Variants in GALNT18 observed in about 807,000 individuals in gnomAD.
GALNT18 encodes the protein GalNAc-transferase 18.
A neutral mutation model predicts 69.5 loss-of-function variants in GALNT18; 44 were observed. The observed-to-expected ratio is 0.63, with a 90% CI of 0.50 to 0.81. The LOEUF (loss-of-function observed/expected upper bound fraction) is 0.81. Among genes scored for constraint, GALNT18 ranks in the 40% least tolerant of loss-of-function variants. GALNT18 has a pLI of 0.00. For synonymous variants in GALNT18, 364 were observed against 318.2 expected (o/e 1.14, Z -1.53); for missense variants, 715 against 810.0 (o/e 0.88, Z 1.42).
At chr11:11,304,657 C>A (rs1849550042) in intron 9 of GALNT18, among the ~76,000 whole-genome samples, 1 of 152,206 alleles carries the variant, frequency 6.6e-6, no homozygotes, top group South Asian at 2.1e-4. Flanking sequence ...ATAGTCTCTG[C>A]CCTCTCCTAT....
At chr11:11,491,656 T>C (rs1856772152) in intron 1 of GALNT18, among the ~76,000 whole-genome samples, 1 of 152,264 alleles carries the variant, frequency 6.6e-6, no homozygotes. Context: ...GGCATTTTTC[T>C]GATGCATATT....
chr11:11,448,315 T>C (rs961483940), intron 2 of GALNT18, among the ~76,000 whole-genome samples: 9 of 152,204 alleles, frequency 5.9e-5, no homozygotes, highest in African/African-American at 1.9e-4. Context: ...AACATCCTTC[T>C]GTAACAAAGA....
At chr11:11,395,787 G>A (rs1437833134) in intron 3 of GALNT18, among the ~76,000 whole-genome samples, 1 of 152,210 alleles carries the variant, frequency 6.6e-6, no homozygotes, top group Non-Finnish European at 1.5e-5. Context: ...ACCTCACTCT[G>A]GATGAAGGAA....
At chr11:11,481,589 T>C (rs1336515887) in intron 1 of GALNT18, among the ~76,000 whole-genome samples, 3 of 152,110 alleles carry the variant, frequency 2.0e-5, no homozygotes, top group Non-Finnish European at 2.9e-5. Context: ...GCTCATGCTG[T>C]GTGGAGGGCA....
At chr11:11,319,230 A>G (rs560341985) in intron 9 of GALNT18, among the ~76,000 whole-genome samples, 1 of 152,260 alleles carries the variant, frequency 6.6e-6, no homozygotes, top group Non-Finnish European at 1.5e-5. Context: ...TTACACCTTC[A>G]CCATTCTTGG....
chr11:11,512,445 T>A (rs55776195), intron 1 of GALNT18, among the ~76,000 whole-genome samples: 16,229 of 152,282 alleles, frequency 0.11, 1,166 homozygotes, highest in South Asian at 0.23. Flanking sequence ...GAGGAAAGCA[T>A]CCAATCCTGT....
At chr11:11,290,685 T>G (rs1445383329) in intron 10 of GALNT18, among the ~76,000 whole-genome samples, 1 of 152,132 alleles carries the variant, frequency 6.6e-6, no homozygotes, top group African/African-American at 2.4e-5. Context: ...AAGTACATTG[T>G]CTCCTGAGAA....
intron 1 of GALNT18, among the ~76,000 whole-genome samples, chr11:11,517,986 G>A (rs771383739): frequency 7.9e-5 from 12 of 152,174 alleles, no homozygotes; most frequent in East Asian, 1.9e-4. Context: ...TTCTCTATGC[G>A]CCAGTGCCTA....
intron 1 of GALNT18, among the ~76,000 whole-genome samples, chr11:11,501,687 A>G (rs1856975898): frequency 6.6e-6 from 1 of 152,208 alleles, no homozygotes. Context: ...CTTGACAACC[A>G]GAAGACCTGG....
intron 1 of GALNT18, among the ~76,000 whole-genome samples, chr11:11,450,360 G>A (rs1027654960): frequency 3.3e-5 from 5 of 152,074 alleles, no homozygotes; most frequent in African/African-American, 9.7e-5. Context: ...CTCCTCATGC[G>A]ATGCTCTCCT....
At chr11:11,312,075 G>C (rs1849682024) in intron 9 of GALNT18, among the ~76,000 whole-genome samples, 1 of 152,154 alleles carries the variant, frequency 6.6e-6, no homozygotes, top group Non-Finnish European at 1.5e-5. Flanking sequence ...TCCTGTCTCA[G>C]CCTCCTGAGT....
rs553225360 is a variant in GALNT18, at chr11:11,564,212, C to G, written c.235+57147G>C. Reference sequence around the variant, plus strand: ...CGCTAGAACGTGTGACTGCAAGTCCCGGGTCCATAACCACTGTGCTATACT... The same window carrying G: ...CGCTAGAACGTGTGACTGCAAGTCCGGGGTCCATAACCACTGTGCTATACT... On this transcript the variant is annotated intron_variant, in intron 1 of 10. Transcript: ENST00000227756. The surrounding 1 kb of genome is among the most constrained non-coding windows in gnomAD (Gnocchi z 4.3). Among the ~76,000 whole-genome samples, 1 of 152,148 alleles carries G rather than the reference C, an allele frequency of 6.6e-6. No homozygotes were observed. The highest frequency in any genetic ancestry group is 1.5e-5 in the Non-Finnish European group (1 of 68,022).
At chr11:11,597,392 G>A (rs1051342942) in intron 1 of GALNT18, among the ~76,000 whole-genome samples, 1 of 152,176 alleles carries the variant, frequency 6.6e-6, no homozygotes, top group Non-Finnish European at 1.5e-5. Context: ...TTTAGTAGAA[G>A]TTACCCAGTA....
In GALNT18 at chr11:11,435,067, G is replaced by C. The variant is rs1178449816; in HGVS notation, c.429-2280C>G. 6.6e-6 allele frequency among the ~76,000 whole-genome samples: 1 copy of C among 152,154 alleles called. No individual in the cohort carries two copies. Among genetic ancestry groups the C allele is most frequent in the African/African-American group, 2.4e-5 (1 of 41,426 alleles). On this transcript the variant is annotated intron_variant, in intron 2 of 10. Coordinates refer to ENST00000227756, the MANE Select transcript of GALNT18 (RefSeq NM_198516.3). This position sits in a 1 kb window ranked among gnomAD's most constrained non-coding sequence, Gnocchi z 4.4. ...TTCTTCTTTTATATAAAGTATAATAGACAGCTCCCAAGAAGGCCAATGGAT... is the reference window on the plus strand; with the variant it reads ...TTCTTCTTTTATATAAAGTATAATACACAGCTCCCAAGAAGGCCAATGGAT...
intron 1 of GALNT18, among the ~76,000 whole-genome samples, chr11:11,453,502 A>G (rs6484922): frequency 1 from 152,238 of 152,270 alleles, 76,103 homozygotes; most frequent in Non-Finnish European, 1. Context: ...ACCCTATCCT[A>G]AACATCCAGC....
In GALNT18 at chr11:11,470,820, G is replaced by T. The variant is rs1388834657; in HGVS notation, c.236-21884C>A. On this transcript the variant is annotated intron_variant, in intron 1 of 10. Transcript: ENST00000227756. The surrounding 1 kb of genome is among the most constrained non-coding windows in gnomAD (Gnocchi z 4.8). ...TCAGGTACCATGGTGTCTCCATGCT[G>T]CATTCTTAGCCTCTGACCATCTGTG... Among the ~76,000 whole-genome samples, 3 of 152,264 alleles carry T rather than the reference G, an allele frequency of 2.0e-5. No individual in the cohort carries two copies. The South Asian group carries it at 6.2e-4, about 32-fold the overall frequency.
At chr11:11,379,330 C>A (rs1443869192) in intron 3 of GALNT18, 66 bp from the exon 4 acceptor site, 21 of 1,467,142 alleles carry the variant, frequency 1.4e-5, no homozygotes, top group Middle Eastern at 2.3e-4. Context: ...GCAATCACAA[C>A]AGTCACTCTT....
intron 9 of GALNT18, among the ~76,000 whole-genome samples, chr11:11,325,942 C>G (rs1849909699): frequency 6.6e-6 from 1 of 151,878 alleles, no homozygotes. Flanking sequence ...ACATACACGT[C>G]ATGATGTCCT....
chr11:11,340,340 G>A lies in GALNT18; in HGVS notation c.1278+479C>T, dbSNP rs1170502110. ...TAGGTGTGCCCCCATCCCCATACAC[G>A]TGGCTCAAGAAACCTGAAAGGCATG... is the stretch of plus-strand genomic sequence containing the variant. On this transcript the variant is annotated intron_variant, in intron 7 of 10. Coordinates refer to ENST00000227756, the MANE Select transcript of GALNT18 (RefSeq NM_198516.3). The surrounding 1 kb of genome is among the most constrained non-coding windows in gnomAD (Gnocchi z 4.2). 8.6e-6 allele frequency among the ~76,000 whole-genome samples: 1 copy of A among 116,746 alleles called. No individual in the cohort carries two copies. The highest frequency in any genetic ancestry group is 3.6e-5 in the African/African-American group (1 of 28,046). 76.6% of individuals were successfully genotyped at this position (116,746 alleles called of 152,430 possible).
Sources: gnomAD v4.1 joint callset for allele counts (sites outside exome capture counted in the v4.1 genomes callset) on GRCh38, gnomAD v4.1.1 for gene constraint, Gnocchi (gnomAD v3.1) non-coding constraint, MANE v1.5 for transcripts, NCBI Gene and HGNC (gene_info 2026-07-23, HGNC 2026-07-21) for gene names.